PTPN12: variants seen among roughly 807,000 people sequenced by gnomAD.
PTPN12 encodes the protein tyrosine-protein phosphatase non-receptor type 12.
Under a neutral mutation model 97.6 loss-of-function variants are expected in PTPN12, and 29 were observed. The ratio of observed to expected loss-of-function variants is 0.30; its 90% confidence interval spans 0.22 to 0.41. The LOEUF is 0.41. Among genes scored for constraint, PTPN12 ranks in the 10% least tolerant of loss-of-function variants. The pLI is 1.00. For synonymous variants in PTPN12, 327 were observed against 300.4 expected (o/e 1.09, Z -0.91); for missense variants, 819 against 926.0 (o/e 0.88, Z 1.50).
chr7:77,637,163 TAG>T, intron 16 of PTPN12, 115 bp downstream of exon 16: 2 of 816,250 alleles, frequency 2.5e-6, no homozygotes, highest in Non-Finnish European at 3.9e-6. Context: ...TGAAAATGTC[TAG>T]GACAACTCTT....
At chr7:77,576,853 C>A (rs768444129) in intron 2 of PTPN12, among the ~76,000 whole-genome samples, 1 of 152,196 alleles carries the variant, frequency 6.6e-6, no homozygotes, top group African/African-American at 2.4e-5. Context: ...AAGGGTGCCA[C>A]TTAACAAACT....
chr7:77,597,662 A>G (rs752302000), intron 6 of PTPN12, among the ~76,000 whole-genome samples, 180 bp from the exon 7 acceptor site: 11 of 152,242 alleles, frequency 7.2e-5, no homozygotes, highest in African/African-American at 1.2e-4. Flanking sequence ...TAGCATGTCT[A>G]TCACTTCAAA....
At chr7:77,567,842 C>CT (rs1227732232) in intron 1 of PTPN12, among the ~76,000 whole-genome samples, 1 of 152,118 alleles carries the variant, frequency 6.6e-6, no homozygotes, top group African/African-American at 2.4e-5. Flanking sequence ...ATTTTATGTA[C>CT]TAGACCTTTT....
rs750543432 is a variant in PTPN12 at position 77,571,200 on chromosome 7, G to A, written c.208+14G>A. 1.7e-5 allele frequency: 25 copies of A among 1,496,006 alleles called. No homozygotes were observed. The East Asian group carries it at 4.9e-4, about 29-fold the overall frequency. 92.7% of individuals were successfully genotyped at this position (1,496,006 alleles called of 1,614,324 possible). A position where few individuals can be genotyped will look rare whatever the true frequency, so the allele number is the denominator to read the frequency against. ...ACATACTGCCATGTAAGTTGGAAAT[G>A]CCCTTGATAAAATACATAGAAATGC... On this transcript the variant is annotated intron_variant, in intron 2 of 17. Transcript: ENST00000248594.
rs116733356 is a variant in PTPN12 at position 77,576,731 on chromosome 7, C to T, written c.209-4696C>T. Among the ~76,000 whole-genome samples, 392 of 152,260 alleles carry T rather than the reference C, an allele frequency of 2.6e-3. 3 individuals are homozygous for T. Among genetic ancestry groups the T allele is most frequent in the African/African-American group, 8.9e-3 (369 of 41,572 alleles). On this transcript the variant is annotated intron_variant, in intron 2 of 17. Coordinates refer to ENST00000248594, the MANE Select transcript of PTPN12 (RefSeq NM_002835.4). The stretch of plus-strand genomic sequence containing the variant: ...AGAGCACCAATGAAGAATATTAAAA[C>T]AGCCACCCAAGTTCTTTCTCGCTAC...
At chr7:77,601,591 TTA>T (rs1297718696) in intron 8 of PTPN12, among the ~76,000 whole-genome samples, 1 of 152,120 alleles carries the variant, frequency 6.6e-6, no homozygotes, top group African/African-American at 2.4e-5. Flanking sequence ...CACACCATTA[TTA>T]TATATATTAA....
At chr7:77,604,508 C>T (rs897237059) in intron 8 of PTPN12, among the ~76,000 whole-genome samples, 2 of 152,004 alleles carry the variant, frequency 1.3e-5, no homozygotes, top group African/African-American at 4.8e-5. Context: ...ACCACTGCGC[C>T]CAGCCTCATC....
In PTPN12 at chr7:77,627,522, G is replaced by A; in HGVS notation, c.1843G>A (p.Gly615Ser). 1 of 1,614,044 alleles carries A rather than the reference G, an allele frequency of 6.2e-7. No individual in the cohort carries two copies. The highest frequency in any genetic ancestry group is 8.5e-7 in the Non-Finnish European group (1 of 1,179,970). The change falls in exon 13 of 18, where the codon GGT becomes AGT. Residue 615 changes from glycine to serine, a missense_variant. Coordinates refer to ENST00000248594, the MANE Select transcript of PTPN12 (RefSeq NM_002835.4). ...AGACTCAGATGAAAGAAACTCTGAT[G>A]GTGCTGTGACCCAGAATAAAACTAA... ...DSDSDERNSD[G>S]AVTQNKTNIS...
intron 12 of PTPN12, among the ~76,000 whole-genome samples, chr7:77,621,982 A>G (rs1487537601): frequency 6.6e-6 from 1 of 152,148 alleles, no homozygotes; most frequent in African/African-American, 2.4e-5. Context: ...TTTTGTTTTC[A>G]GACAGAGCCT....
chr7:77,545,942 TA>T (rs1426485304), intron 1 of PTPN12: 1 of 152,172 alleles, frequency 6.6e-6, no homozygotes, highest in African/African-American at 2.4e-5. Flanking sequence ...TATTTTATTT[TA>T]TTTTTTTGAG....
Position 77,537,382 on chromosome 7 carries a change from A to C in PTPN12, c.-165A>C. 2.1e-6 allele frequency: 2 copies of C among 948,212 alleles called. No individual in the cohort carries two copies. Among genetic ancestry groups the C allele is most frequent in the Non-Finnish European group, 1.4e-6 (1 of 718,802 alleles). The allele number at this position is 948,212 out of a possible 1,614,324, so 58.7% of individuals were successfully genotyped here. A position where few individuals can be genotyped will look rare whatever the true frequency, so the allele number is the denominator to read the frequency against. ...TCGGGAGCCCAGCCGGTGCCGCCGC[A>C]GCCGCCGCCTAGGGCGGTGGGGAGG... On this transcript the variant is annotated 5_prime_UTR_variant, in exon 1 of 18. Transcript: ENST00000248594.
chr7:77,626,590 T>C (rs1346217635), intron 12 of PTPN12, 115 bp from the exon 13 acceptor site: 2 of 1,183,850 alleles, frequency 1.7e-6, no homozygotes, highest in Non-Finnish European at 1.2e-6. Context: ...AACTGCAGTT[T>C]TTATTCGCAA....
At position 77,632,385 on chromosome 7, in the gene PTPN12, T is replaced by G; in HGVS notation, c.2034T>G (p.Pro678=). 1 of 1,611,460 alleles carries G rather than the reference T, an allele frequency of 6.2e-7. No homozygotes were observed. ...GTGAAGATTCACCTCCTCCCCTACC[T>G]GAAAGAACTCCTGAATCGTTTGTGT... ...DVSEDSPPPL[P]ERTPESFVLA... The change falls in exon 14 of 18, where the codon CCT becomes CCG. Residue 678 remains proline (P), a synonymous_variant. Transcript: ENST00000248594.
In PTPN12 at chr7:77,537,425, C is replaced by T. The variant is rs1251109824; in HGVS notation, c.-122C>T. 3.3e-5 allele frequency: 41 copies of T among 1,227,712 alleles called. No individual in the cohort carries two copies. The African/African-American group carries it at 5.7e-4, about 17-fold the overall frequency. The allele number at this position is 1,227,712 out of a possible 1,614,324, so 76.1% of individuals were successfully genotyped here. A position where few individuals can be genotyped will look rare whatever the true frequency, so the allele number is the denominator to read the frequency against. ...TGGGGAGGAGGAGGGAGCCGCGGGG[C>T]TTGGCGGGGTCGGGAGGGAGGGACG... On this transcript the variant is annotated 5_prime_UTR_variant, in exon 1 of 18. Transcript: ENST00000248594.
rs145334805 is a variant in PTPN12 at position 77,636,202 on chromosome 7, A to G, written c.2142+353A>G. The stretch of plus-strand genomic sequence containing the variant: ...TTTCTTACATTTCTAGATGCTTCCC[A>G]TTATAACACTAGGCACATAGTCGCT... On this transcript the variant is annotated intron_variant, in intron 15 of 17. Coordinates refer to ENST00000248594, the MANE Select transcript of PTPN12 (RefSeq NM_002835.4). 5.3e-3 allele frequency among the ~76,000 whole-genome samples: 809 copies of G among 152,190 alleles called. 6 individuals carry two copies. The highest frequency in any genetic ancestry group is 0.018 in the African/African-American group (765 of 41,520).
chr7:77,637,876 A>C (rs1264073676), intron 16 of PTPN12, among the ~76,000 whole-genome samples: 11 of 149,774 alleles, frequency 7.3e-5, no homozygotes, highest in African/African-American at 2.4e-4. Context: ...AAAAAAAAAA[A>C]CAAGTAGAGT....
At chr7:77,601,422 C>A (rs552323594) in intron 8 of PTPN12, among the ~76,000 whole-genome samples, 1 of 152,108 alleles carries the variant, frequency 6.6e-6, no homozygotes, top group East Asian at 1.9e-4. Flanking sequence ...CAGGCTGATC[C>A]GAACTCCTGT....
chr7:77,597,883 C>G lies in PTPN12; in HGVS notation c.534C>G (p.Leu178=). 1.2e-6 allele frequency: 2 copies of G among 1,612,520 alleles called. No individual in the cohort carries two copies. Among genetic ancestry groups the G allele is most frequent in the African/African-American group, 1.3e-5 (1 of 75,020 alleles). ...GAACAGACTACTTCATCAGGACACT[C>G]TTACTTGAATTTCAAAATGTAGGTA... ...QARTDYFIRT[L]LLEFQNESRR... The change falls in exon 7 of 18, where the codon CTC becomes CTG. Residue 178 remains leucine, a synonymous_variant. Transcript: ENST00000248594.
rs1554321255 is a variant in PTPN12 at position 77,605,409 on chromosome 7, G to GGTTTTTTTTTTTTTT, written c.696-1826_696-1825insGTTTTTTTTTTTTTT. ...TTACTTTAAAATACTTTTGTCATGA[G>GGTTTTTTTTTTTTTT]TTTTTTTTTTTTTTTTTTTTTTTTT... On this transcript the variant is annotated intron_variant, in intron 8 of 17. Coordinates refer to ENST00000248594, the MANE Select transcript of PTPN12 (RefSeq NM_002835.4). Among the ~76,000 whole-genome samples the GGTTTTTTTTTTTTTT allele has an allele frequency of 2.2e-3, 210 of 95,534 alleles. 46 individuals carry two copies. The highest frequency in any genetic ancestry group is 7.1e-3 in the Middle Eastern group (1 of 140). The allele number at this position is 95,534 out of a possible 152,430, so 62.7% of individuals were successfully genotyped here.
Sources: allele counts gnomAD v4.1 joint callset (sites outside exome capture counted in the v4.1 genomes callset), GRCh38; gene constraint gnomAD v4.1.1; transcripts MANE v1.5; gene names NCBI Gene and HGNC (gene_info 2026-07-23, HGNC 2026-07-21).